Variants in GOLGA8A observed in about 807,000 individuals in gnomAD.
The protein encoded by GOLGA8A is golgin subfamily A member 8A.
Under a neutral mutation model 22.1 loss-of-function variants are expected in GOLGA8A, and 3 were observed. That is an observed-to-expected ratio of 0.14 (90% confidence interval 0.06 to 0.35). GOLGA8A has a LOEUF of 0.35. Ranked by LOEUF, GOLGA8A falls within the 10% of genes least tolerant of loss-of-function variation. The pLI is 1.00. For missense variants in GOLGA8A, 16 were observed against 233.2 expected (o/e 0.07, Z 6.07); for synonymous variants, 7 against 91.7 (o/e 0.08, Z 5.28).
At position 34,428,736 on chromosome 15, in the gene GOLGA8A, G is replaced by A. The variant is rs1256135824; in HGVS notation, c.-1123+6647C>T. On this transcript the variant is annotated intron_variant, in intron 2 of 24. Transcript: ENST00000359187. ...GGGGAAGAGGGCCCAAGCTGCAGGCGCCCTGGCCTATCGAGGCCGTGGACA... is the reference window on the plus strand; with the variant it reads ...GGGGAAGAGGGCCCAAGCTGCAGGCACCCTGGCCTATCGAGGCCGTGGACA... The A allele has an allele frequency of 9.5e-5, 14 of 147,492 alleles. 4 individuals are homozygous for A. Among genetic ancestry groups the A allele is most frequent in the Admixed American group, 8.9e-4 (13 of 14,528 alleles). The allele number at this position is 147,492 out of a possible 1,614,324, so 9.1% of individuals were successfully genotyped here.
rs1325376209 is a variant in GOLGA8A at position 34,379,426 on chromosome 15, A to G, written c.*1985T>C. 1 of 152,594 alleles carries G rather than the reference A, an allele frequency of 6.6e-6. No homozygotes were observed. Among genetic ancestry groups the G allele is most frequent in the Non-Finnish European group, 1.5e-5 (1 of 68,048 alleles). The allele number at this position is 152,594 out of a possible 1,614,324, so 9.5% of individuals were successfully genotyped here. ...TGGGCTAGAAATCATACGACTGTTA[A>G]TTAGCCGCATTATTTGGTCTAACAT... On this transcript the variant is annotated 3_prime_UTR_variant, in exon 25 of 25. Transcript: ENST00000359187.
intron 2 of GOLGA8A, among the ~76,000 whole-genome samples, chr15:34,432,168 T>G (rs560306375): frequency 1.3e-5 from 2 of 149,262 alleles, no homozygotes; most frequent in East Asian, 3.9e-4. Context: ...TCAGCCACCT[T>G]CCTGGAGGGC....
chr15:34,433,947 G>A (rs1007053503), intron 2 of GOLGA8A, among the ~76,000 whole-genome samples: 6 of 149,442 alleles, frequency 4.0e-5, no homozygotes, highest in African/African-American at 1.2e-4. Flanking sequence ...CCGGCCAGGT[G>A]GGCATCTGGG....
At chr15:34,420,288 A>T (rs1203450617) in intron 2 of GOLGA8A, 3 of 144,428 alleles carry the variant, frequency 2.1e-5, no homozygotes, top group Non-Finnish European at 4.5e-5. Context: ...CAACAATCTC[A>T]GTGGAGTGGC....
At chr15:34,410,116 C>T in intron 2 of GOLGA8A, 1 of 250,550 alleles carries the variant, frequency 4.0e-6, no homozygotes, top group East Asian at 7.7e-5. Flanking sequence ...TAAAGGTAGC[C>T]AGGACTACCC....
intron 2 of GOLGA8A, among the ~76,000 whole-genome samples, chr15:34,423,661 C>G (rs958764440): frequency 6.7e-6 from 1 of 148,328 alleles, no homozygotes; most frequent in Non-Finnish European, 1.5e-5. Context: ...CTGAGCTTCA[C>G]AGACTCCAGG....
At chr15:34,435,218 C>CCTCA (rs1326582083) in intron 2 of GOLGA8A, among the ~76,000 whole-genome samples, 165 bp downstream of exon 2, 1 of 149,284 alleles carries the variant, frequency 6.7e-6, no homozygotes, top group East Asian at 2.0e-4. Context: ...CTCCAACAGC[C>CCTCA]CTCACTGCAG....
chr15:34,432,202 C>T (rs111868434), intron 2 of GOLGA8A, among the ~76,000 whole-genome samples: 4 of 149,168 alleles, frequency 2.7e-5, no homozygotes, highest in African/African-American at 7.4e-5. Flanking sequence ...CTTTTCCCAT[C>T]GCTGTATAGG....
chr15:34,437,182 G>A (rs915882124), intron 1 of GOLGA8A, among the ~76,000 whole-genome samples: 9 of 147,346 alleles, frequency 6.1e-5, no homozygotes, highest in African/African-American at 1.5e-4. Flanking sequence ...GTGGGAGGAG[G>A]ATGGGCCGGT....
intron 1 of GOLGA8A, among the ~76,000 whole-genome samples, 196 bp downstream of exon 1, chr15:34,437,202 G>A (rs1167648661): frequency 3.4e-5 from 5 of 147,072 alleles, no homozygotes; most frequent in African/African-American, 1.3e-4. Context: ...TCCGAGAGGC[G>A]TAAGGCCGCC....
chr15:34,411,432 G>C (rs1322324202), intron 2 of GOLGA8A, among the ~76,000 whole-genome samples: 1 of 88,304 alleles, frequency 1.1e-5, no homozygotes, highest in Admixed American at 1.2e-4. Context: ...ATGTGTGTGT[G>C]TGTGTGTGTG....
intron 2 of GOLGA8A, among the ~76,000 whole-genome samples, chr15:34,430,178 G>A (rs1171884339): frequency 6.7e-6 from 1 of 149,212 alleles, no homozygotes; most frequent in Non-Finnish European, 1.5e-5. Context: ...GCTGAAATCT[G>A]TGAAAGCTCA....
chr15:34,427,014 CAAAAT>C (rs1442033980), intron 2 of GOLGA8A, among the ~76,000 whole-genome samples: 1 of 147,384 alleles, frequency 6.8e-6, no homozygotes, highest in Non-Finnish European at 1.5e-5. Context: ...GAGAATAAAA[CAAAAT>C]AGACAAGCAC....
rs1459980386 is a variant in GOLGA8A, at chr15:34,380,828, G to C, written c.*583C>G. ...TTATCACTCCCATCACCAATACACA[G>C]AAAATGGAGGAAAGGCTGTTTCCAG... On this transcript the variant is annotated 3_prime_UTR_variant, in exon 25 of 25. Transcript: ENST00000359187. The C allele has an allele frequency of 5.1e-6, 1 of 194,668 alleles. No individual in the cohort carries two copies. Among genetic ancestry groups the C allele is most frequent in the African/African-American group, 2.4e-5 (1 of 41,696 alleles). 12.1% of individuals were successfully genotyped at this position (194,668 alleles called of 1,614,324 possible).
intron 1 of GOLGA8A, among the ~76,000 whole-genome samples, chr15:34,436,279 G>A (rs78975372): frequency 6.7e-6 from 1 of 149,336 alleles, no homozygotes; most frequent in Non-Finnish European, 1.5e-5. Flanking sequence ...TGTCCTTTCT[G>A]AAACAGGAAG....
intron 2 of GOLGA8A, chr15:34,419,802 C>T (rs1319630536): frequency 2.5e-5 from 3 of 118,198 alleles, no homozygotes; most frequent in African/African-American, 3.5e-5. Flanking sequence ...TTCTGACGCA[C>T]GCTACAACAC....
At chr15:34,429,699 T>G (rs74007804) in intron 2 of GOLGA8A, among the ~76,000 whole-genome samples, 6,951 of 138,222 alleles carry the variant, frequency 0.05, 433 homozygotes, top group South Asian at 0.15. Flanking sequence ...TATAGTAGCT[T>G]CTCAGAAAAT....
At chr15:34,437,253 C>T (rs1893569850) in intron 1 of GOLGA8A, 145 bp downstream of exon 1, 1 of 146,132 alleles carries the variant, frequency 6.8e-6, no homozygotes, top group African/African-American at 2.5e-5. Context: ...TCCCCGCAGC[C>T]CCGCCGAGTC....
chr15:34,430,301 A>G lies in GOLGA8A; in HGVS notation c.-1123+5082T>C, dbSNP rs1258663727. Among the ~76,000 whole-genome samples the G allele has an allele frequency of 3.4e-5, 5 of 149,056 alleles. 2 individuals are homozygous for G. The highest frequency in any genetic ancestry group is 7.5e-5 in the Non-Finnish European group (5 of 67,106). Reference sequence around the variant, plus strand: ...CAACAACCGCACATCCCACCTGCAAAACGATGACACGCTCCTCTCCAGGTA... The same window carrying G: ...CAACAACCGCACATCCCACCTGCAAGACGATGACACGCTCCTCTCCAGGTA... On this transcript the variant is annotated intron_variant, in intron 2 of 24. Coordinates refer to ENST00000359187, the MANE Select transcript of GOLGA8A (RefSeq NM_181077.5).
Sources: allele counts gnomAD v4.1 joint callset (sites outside exome capture counted in the v4.1 genomes callset), GRCh38; gene constraint gnomAD v4.1.1; transcripts MANE v1.5; gene names NCBI Gene and HGNC (gene_info 2026-07-23, HGNC 2026-07-21).